Variants in PTPRT observed in about 807,000 individuals in gnomAD.
The protein encoded by PTPRT is protein tyrosine phosphatase receptor type T.
PTPRT carries 56 observed loss-of-function variants against 176.8 expected under a neutral mutation model. The ratio of observed to expected loss-of-function variants is 0.32; its 90% CI spans 0.26 to 0.40. The LOEUF (loss-of-function observed/expected upper bound fraction) is 0.40. PTPRT is among the 10% of genes least tolerant of loss of function. The pLI is 1.00. For missense variants in PTPRT, 1,540 were observed against 1,908.2 expected, an observed-to-expected ratio of 0.81 and a Z score of 3.60; for synonymous variants, 783 against 739.0, an observed-to-expected ratio of 1.06 and a Z score of -0.96.
At chr20:43,083,325 T>TATATATATATATATACAC (rs1555828943) in intron 1 of PTPRT, among the ~76,000 whole-genome samples, 1 of 20,136 alleles carries the variant, frequency 5.0e-5, no homozygotes, top group African/African-American at 2.5e-4. Flanking sequence ...CAAATGTATA[T>TATATATATATATATACAC]ATATATATAT....
At chr20:42,885,705 G>A in intron 2 of PTPRT, 102 bp downstream of exon 2, 2 of 1,431,746 alleles carry the variant, frequency 1.4e-6, no homozygotes, top group South Asian at 1.3e-5. Flanking sequence ...GCTATCGATT[G>A]CCATCTCAGA....
intron 1 of PTPRT, among the ~76,000 whole-genome samples, chr20:42,962,885 G>A (rs1045211130): frequency 2.2e-4 from 33 of 152,092 alleles, no homozygotes; most frequent in African/African-American, 8.0e-4. Flanking sequence ...TGGCCAACAT[G>A]GTGAAACCCA....
chr20:42,750,705 G>C (rs2076758065), intron 6 of PTPRT, among the ~76,000 whole-genome samples: 1 of 152,132 alleles, frequency 6.6e-6, no homozygotes, highest in African/African-American at 2.4e-5. Context: ...CCACCGACAA[G>C]AAACTTTTTA....
chr20:42,224,503 T>G (rs2055959859), intron 15 of PTPRT, among the ~76,000 whole-genome samples: 1 of 152,216 alleles, frequency 6.6e-6, no homozygotes, highest in Non-Finnish European at 1.5e-5. Flanking sequence ...ATCTGATGAT[T>G]GTATGGGACC....
intron 9 of PTPRT, among the ~76,000 whole-genome samples, chr20:42,375,094 C>T (rs1222567369): frequency 6.6e-6 from 1 of 152,106 alleles, no homozygotes; most frequent in African/African-American, 2.4e-5. Flanking sequence ...ATGTATTTGA[C>T]AAAATTCAAT....
chr20:42,279,950 C>T (rs1211744334), intron 13 of PTPRT, among the ~76,000 whole-genome samples: 1 of 152,126 alleles, frequency 6.6e-6, no homozygotes. Context: ...CCATCAGACC[C>T]ATGAAGCAGC....
chr20:43,070,067 T>A (rs2011159877), intron 1 of PTPRT, among the ~76,000 whole-genome samples: 2 of 152,166 alleles, frequency 1.3e-5, no homozygotes, highest in African/African-American at 2.4e-5. Flanking sequence ...GACCTACAGA[T>A]GTATTTCAAT....
At chr20:42,650,697 A>G (rs1179684803) in intron 7 of PTPRT, among the ~76,000 whole-genome samples, 2 of 152,196 alleles carry the variant, frequency 1.3e-5, no homozygotes, top group Non-Finnish European at 2.9e-5. Flanking sequence ...AGCAGAGGTC[A>G]TCTCCTAAGC....
chr20:42,721,166 T>C lies in PTPRT; in HGVS notation c.859+35296A>G, dbSNP rs564314213. ...GGGTAACTTCATGAACAAAAGTTAC[T>C]TGGGCCTGAAAGAAGGCAAACCCAG... On this transcript the variant is annotated intron_variant, in intron 6 of 30. Coordinates refer to ENST00000373187, the MANE Select transcript of PTPRT (RefSeq NM_007050.6). Among the ~76,000 whole-genome samples the C allele has an allele frequency of 4.6e-5, 7 of 152,318 alleles. 1 individual carries two copies. The South Asian group carries it at 1.2e-3, about 27-fold the overall frequency.
chr20:42,737,022 T>C (rs1172415791), intron 6 of PTPRT, among the ~76,000 whole-genome samples: 1 of 152,198 alleles, frequency 6.6e-6, no homozygotes, highest in African/African-American at 2.4e-5. Flanking sequence ...TTCAAATTCA[T>C]GAAAGCCAAT....
At chr20:42,173,474 A>G (rs919136091) in intron 16 of PTPRT, among the ~76,000 whole-genome samples, 2 of 152,362 alleles carry the variant, frequency 1.3e-5, no homozygotes, top group Non-Finnish European at 2.9e-5. Context: ...ATTTTTTAAA[A>G]AACTTTCAAA....
intron 7 of PTPRT, among the ~76,000 whole-genome samples, chr20:42,506,089 A>G (rs2071839365): frequency 6.6e-6 from 1 of 152,146 alleles, no homozygotes; most frequent in Non-Finnish European, 1.5e-5. Context: ...AATGGGAAGA[A>G]CACATTTGAC....
intron 15 of PTPRT, among the ~76,000 whole-genome samples, chr20:42,199,679 A>G (rs79978729): frequency 0.041 from 6,212 of 152,258 alleles, 398 homozygotes; most frequent in African/African-American, 0.14. Flanking sequence ...AGAGGAAATC[A>G]ACAAGATTTG....
intron 17 of PTPRT, among the ~76,000 whole-genome samples, chr20:42,148,187 C>CCTAT (rs1988957563): frequency 6.6e-6 from 1 of 151,696 alleles, no homozygotes; most frequent in Non-Finnish European, 1.5e-5. Context: ...AGTGCTGGGC[C>CCTAT]CTATTTTTAC....
At chr20:43,135,470 C>T (rs539346448) in intron 1 of PTPRT, among the ~76,000 whole-genome samples, 2 of 152,204 alleles carry the variant, frequency 1.3e-5, no homozygotes, top group Non-Finnish European at 2.9e-5. Flanking sequence ...AGAGATGAGT[C>T]AAAATATTCA....
Position 42,110,505 on chromosome 20 carries a change from CT to C in PTPRT, c.3100-19del. ...TAGCCTTTCTGAGGAAAGAACGGGC[CT>C]CTGTTCTTCCAGCTGCTGCCCTCGC... On this transcript the variant is annotated intron_variant, in intron 22 of 30. Transcript: ENST00000373187. 1.9e-6 allele frequency: 3 copies of C among 1,577,018 alleles called. No homozygotes were observed. Among genetic ancestry groups the C allele is most frequent in the Non-Finnish European group, 2.6e-6 (3 of 1,157,362 alleles).
At chr20:42,185,648 A>G (rs1990748949) in intron 16 of PTPRT, among the ~76,000 whole-genome samples, 2 of 152,166 alleles carry the variant, frequency 1.3e-5, no homozygotes, top group African/African-American at 4.8e-5. Flanking sequence ...AAACAGGACA[A>G]TAGTGTGTGA....
intron 1 of PTPRT, among the ~76,000 whole-genome samples, chr20:43,030,015 G>A (rs574851867): frequency 7.9e-5 from 12 of 152,322 alleles, no homozygotes; most frequent in African/African-American, 2.9e-4. Flanking sequence ...GTAGTTTACT[G>A]AATGGGGAAC....
In PTPRT at chr20:42,079,129, C is replaced by A. The variant is rs1171251043; in HGVS notation, c.*1750G>T. 1.6e-5 allele frequency: 3 copies of A among 191,234 alleles called. No individual in the cohort carries two copies. The highest frequency in any genetic ancestry group is 7.0e-5 in the African/African-American group (3 of 42,946). The allele number at this position is 191,234 out of a possible 1,614,324, so 11.8% of individuals were successfully genotyped here. Reference sequence around the variant, plus strand: ...AGGTCGAGAGTTTCCCTGGCTGGTCCATTCATAGCCTGAAGGAACAGGGAA... The same window carrying A: ...AGGTCGAGAGTTTCCCTGGCTGGTCAATTCATAGCCTGAAGGAACAGGGAA... On this transcript the variant is annotated 3_prime_UTR_variant, in exon 31 of 31. Transcript: ENST00000373187.
Sources: allele counts gnomAD v4.1 joint callset (sites outside exome capture counted in the v4.1 genomes callset), GRCh38; gene constraint gnomAD v4.1.1; transcripts MANE v1.5; gene names NCBI Gene and HGNC (gene_info 2026-07-23, HGNC 2026-07-21).